Variants in NLRP2 observed in about 807,000 individuals in gnomAD.
NLRP2 encodes the protein NLR family pyrin domain containing 2.
A neutral mutation model predicts 97.2 loss-of-function variants in NLRP2; 107 were observed. That is an observed-to-expected ratio of 1.10 (90% CI 0.94 to 1.29). The LOEUF is 1.29. Among genes scored for constraint, NLRP2 ranks in the 50% most tolerant of loss-of-function variants. The pLI, the probability that NLRP2 is intolerant of heterozygous loss-of-function variation, is 0.00. For synonymous variants in NLRP2, 663 were observed against 551.5 expected (o/e 1.20, Z -2.83); for missense variants, 1,495 against 1,330.3 (o/e 1.12, Z -1.93).
At chr19:54,989,078 C>T (rs2074092623) in intron 8 of NLRP2, among the ~76,000 whole-genome samples, 4 of 152,094 alleles carry the variant, frequency 2.6e-5, no homozygotes, top group South Asian at 4.2e-4. Context: ...TTGCCTCAGC[C>T]TCCTGAGTAG....
chr19:54,986,204 G>A lies in NLRP2; in HGVS notation c.2255G>A (p.Arg752Gln), dbSNP rs777510010. 6.8e-5 allele frequency: 110 copies of A among 1,613,096 alleles called. No individual in the cohort carries two copies. Among genetic ancestry groups the A allele is most frequent in the Non-Finnish European group, 8.6e-5 (102 of 1,179,276 alleles). The stretch of plus-strand genomic sequence containing the variant: ...CATCGGAACCTCTGCCTAGCTCTTC[G>A]AGGTCACAAGACTGTAACGTATCTG... The part of the protein sequence containing the change: ...DAHRNLCLAL[R>Q]GHKTVTYLTL... The change falls in exon 8 of 13, where the codon CGA (arginine) becomes CAA (glutamine). Residue 752 changes from arginine (R) to glutamine (Q), a missense_variant. Transcript: ENST00000448584.
At position 54,994,393 on chromosome 19, in the gene NLRP2, C is replaced by T. The variant is rs899139226; in HGVS notation, c.2833C>T (p.Leu945=). 9.3e-6 allele frequency: 15 copies of T among 1,613,512 alleles called. No individual in the cohort carries two copies. The African/African-American group carries it at 1.3e-4, about 14-fold the overall frequency. Residue 945 remains leucine (L), a synonymous_variant, in exon 11 of 13, where the codon CTG becomes TTG. Coordinates refer to ENST00000448584, the MANE Select transcript of NLRP2 (RefSeq NM_017852.5). Reference sequence around the variant, plus strand: ...CATAGGAGTTAAGGGAATGAAGTTCCTGTGTGAGGCTTTGAGGAAACCACT... The same window carrying T: ...CATAGGAGTTAAGGGAATGAAGTTCTTGTGTGAGGCTTTGAGGAAACCACT... ...NHIGVKGMKF[L]CEALRKPLCN...
At chr19:54,967,444 T>A (rs1433839944) in intron 1 of NLRP2, among the ~76,000 whole-genome samples, 2 of 152,124 alleles carry the variant, frequency 1.3e-5, no homozygotes, top group African/African-American at 4.8e-5. Context: ...ATCATACCAT[T>A]GCTCTCCAGC....
At chr19:54,989,387 T>C (rs936300162) in intron 8 of NLRP2, among the ~76,000 whole-genome samples, 1 of 151,126 alleles carries the variant, frequency 6.6e-6, no homozygotes, top group Non-Finnish European at 1.5e-5. Flanking sequence ...CGGGAGAATC[T>C]CTTGAATCTG....
chr19:54,999,026 C>CCCA (rs1555785167), intron 12 of NLRP2, among the ~76,000 whole-genome samples: 1 of 92,788 alleles, frequency 1.1e-5, no homozygotes, highest in Non-Finnish European at 2.7e-5. Flanking sequence ...CTGACCCCCC[C>CCCA]ACCTCCCTCC....
chr19:54,984,053 G>T (rs1225655668), intron 6 of NLRP2, among the ~76,000 whole-genome samples: 2 of 152,132 alleles, frequency 1.3e-5, no homozygotes, highest in Non-Finnish European at 2.9e-5. Context: ...ATCTCAGCAT[G>T]TTGGCCAGTC....
chr19:54,975,791 C>T (rs1346522801), intron 3 of NLRP2, among the ~76,000 whole-genome samples: 2 of 151,856 alleles, frequency 1.3e-5, no homozygotes, highest in African/African-American at 4.8e-5. Context: ...TGCTGTGTTG[C>T]TCCGGCTTGA....
chr19:54,994,131 C>T (rs1184227061), intron 10 of NLRP2, 138 bp from the exon 11 acceptor site: 1 of 947,836 alleles, frequency 1.1e-6, no homozygotes, highest in Non-Finnish European at 1.7e-6. Flanking sequence ...TTCTGTCCAC[C>T]ACACCACCCC....
At chr19:54,996,318 C>T (rs961919515) in intron 11 of NLRP2, among the ~76,000 whole-genome samples, 24 of 151,964 alleles carry the variant, frequency 1.6e-4, no homozygotes, top group African/African-American at 5.3e-4. Context: ...CCTGTCTCTA[C>T]TAAAGAGACA....
At chr19:54,997,870 C>CTCT (rs3837969) in intron 12 of NLRP2, among the ~76,000 whole-genome samples, 5 of 151,604 alleles carry the variant, frequency 3.3e-5, no homozygotes, top group African/African-American at 1.2e-4. Context: ...TCAAGCAATC[C>CTCT]TGCCTCAGTT....
chr19:54,973,192 A>G (rs1314587574), intron 2 of NLRP2, among the ~76,000 whole-genome samples: 2 of 151,642 alleles, frequency 1.3e-5, no homozygotes, highest in Non-Finnish European at 1.5e-5. Context: ...CCATCTCAAA[A>G]AAAAAAAACA....
Position 54,970,168 on chromosome 19 carries a change from TG to T in NLRP2, c.156del (p.Lys53SerfsTer4). ...CCCACAAGGAGGTAGACAAGGCTGATGGGAAGCAACTGGTAGAAATCCTCAC... is the reference window on the plus strand; with the variant it reads ...CCCACAAGGAGGTAGACAAGGCTGATGGAAGCAACTGGTAGAAATCCTCAC... ...IPHKEVDKAD[G>X]KQLVEILTTH... On this transcript the variant is annotated frameshift_variant, in exon 2 of 13. Transcript: ENST00000448584. LOFTEE classifies it high-confidence loss of function. The T allele has an allele frequency of 1.2e-6, 2 of 1,614,048 alleles. No homozygotes were observed. Among genetic ancestry groups the T allele is most frequent in the South Asian group, 2.2e-5 (2 of 91,082 alleles).
chr19:54,983,018 C>T lies in NLRP2; in HGVS notation c.1320C>T (p.Gly440=), dbSNP rs761761609. 20 of 1,610,684 alleles carry T rather than the reference C, an allele frequency of 1.2e-5. No individual in the cohort carries two copies. Among genetic ancestry groups the T allele is most frequent in the South Asian group, 3.3e-5 (3 of 90,898 alleles). ...TCCTCTGCAGCCGGTTCCCGCAGGG[C>T]GCACAGCTGCGGGGCGCGCTGCGGA... The part of the protein sequence containing the change: ...LRFLCSRFPQ[G]AQLRGALRTL... The change falls in exon 6 of 13, where the codon GGC becomes GGT. Residue 440 remains glycine, a synonymous_variant. Coordinates refer to ENST00000448584, the MANE Select transcript of NLRP2 (RefSeq NM_017852.5).
chr19:54,966,845 T>TG (rs2070463582), intron 1 of NLRP2, among the ~76,000 whole-genome samples: 1 of 122,396 alleles, frequency 8.2e-6, no homozygotes, highest in East Asian at 2.2e-4. Context: ...TTTTTTTTTT[T>TG]TTTTTTCTTC....
intron 11 of NLRP2, 33 bp from the exon 12 acceptor site, chr19:54,997,284 T>G (rs1263964656): frequency 5.0e-6 from 8 of 1,609,966 alleles, no homozygotes; most frequent in Non-Finnish European, 5.9e-6. Flanking sequence ...CAGCACTGGC[T>G]GCATTAACGT....
In NLRP2 at chr19:54,982,777, T is replaced by TGGA. The variant is rs763769622; in HGVS notation, c.1086_1088dup (p.Glu362dup). 2.5e-6 allele frequency: 4 copies of TGGA among 1,614,016 alleles called. No homozygotes were observed. In the African/African-American group the frequency reaches 5.3e-5, roughly 22 times the overall value. On this transcript the variant is annotated inframe_insertion, in exon 6 of 13. Coordinates refer to ENST00000448584, the MANE Select transcript of NLRP2 (RefSeq NM_017852.5). Reference sequence around the variant, plus strand: ...ATCTACATAAGGGTGGAGGGCTTCCTGGAGGAGGACAGGAGGGCCTATTTC... The same window carrying TGGA: ...ATCTACATAAGGGTGGAGGGCTTCCTGGAGGAGGAGGACAGGAGGGCCTATTTC...
At chr19:54,973,893 G>A (rs773391113) in intron 2 of NLRP2, 2 of 680,150 alleles carry the variant, frequency 2.9e-6, no homozygotes, top group Non-Finnish European at 5.5e-6. Flanking sequence ...GTGACACAAG[G>A]CAAGGATTCT....
intron 8 of NLRP2, among the ~76,000 whole-genome samples, chr19:54,988,877 A>G (rs1476852414): frequency 1.3e-5 from 2 of 151,540 alleles, no homozygotes; most frequent in Non-Finnish European, 1.5e-5. Context: ...ACCTTGAAAC[A>G]TAGGTTAGTG....
intron 3 of NLRP2, among the ~76,000 whole-genome samples, chr19:54,975,106 GTTTTTTT>G (rs558518586): frequency 6.0e-4 from 35 of 58,690 alleles, no homozygotes; most frequent in Admixed American, 1.3e-3. Flanking sequence ...ACCCGGTTTT[GTTTTTTT>G]TTTTTTTTTT....
Sources: gnomAD v4.1 joint callset for allele counts (sites outside exome capture counted in the v4.1 genomes callset) on GRCh38, gnomAD v4.1.1 for gene constraint, MANE v1.5 for transcripts, NCBI Gene and HGNC (gene_info 2026-07-23, HGNC 2026-07-21) for gene names.